Variants in PGM1 observed in about 807,000 individuals in gnomAD.
PGM1 encodes phosphoglucomutase-1.
PGM1 carries 52 observed loss-of-function variants against 55.6 expected under a neutral mutation model. That is an observed-to-expected ratio of 0.94 (90% confidence interval 0.75 to 1.18). The LOEUF (loss-of-function observed/expected upper bound fraction) is 1.18. PGM1 is among the 50% of genes most tolerant of loss of function. The probability of loss-of-function intolerance (pLI) is 0.00; values close to 1 mark genes in which losing one functional copy is unlikely to be tolerated. For synonymous variants in PGM1, 287 were observed against 271.7 expected (o/e 1.06, Z -0.55); for missense variants, 724 against 729.3 (o/e 0.99, Z 0.08).
intron 1 of PGM1, among the ~76,000 whole-genome samples, chr1:63,612,810 G>C (rs527491036): frequency 6.6e-6 from 1 of 152,316 alleles, no homozygotes; most frequent in Non-Finnish European, 1.5e-5. Context: ...AGTGCCCTCT[G>C]TTGTAGACAC....
intron 1 of PGM1, among the ~76,000 whole-genome samples, chr1:63,597,166 G>A (rs373870043): frequency 1.7e-4 from 26 of 152,136 alleles, no homozygotes; most frequent in East Asian, 9.6e-4. Flanking sequence ...TACTTGGGAG[G>A]GGAAGATGAA....
At chr1:63,612,201 G>C (rs1035660488) in intron 1 of PGM1, among the ~76,000 whole-genome samples, 3 of 151,508 alleles carry the variant, frequency 2.0e-5, no homozygotes, top group Admixed American at 2.0e-4. Flanking sequence ...AGGTTGCAGT[G>C]AGCCGAGATC....
In PGM1 at chr1:63,637,900, G is replaced by T. The variant is rs374388138; in HGVS notation, c.1029-785G>T. The stretch of plus-strand genomic sequence containing the variant: ...TTTTCCTCAAATATCAGAATGCAAA[G>T]CTGACATTGCTTTCCTGGAAATAAG... On this transcript the variant is annotated intron_variant, in intron 6 of 10. Coordinates refer to ENST00000371084, the MANE Select transcript of PGM1 (RefSeq NM_002633.3). Among the ~76,000 whole-genome samples, 59 of 152,306 alleles carry T rather than the reference G, an allele frequency of 3.9e-4. No homozygotes were observed. In the South Asian group the frequency reaches 3.9e-3, roughly 10 times the overall value.
chr1:63,647,230 G>A (rs4581304), intron 7 of PGM1, among the ~76,000 whole-genome samples: 33,406 of 134,956 alleles, frequency 0.25, 4,340 homozygotes, highest in East Asian at 0.36. Flanking sequence ...GCGAAAGAGC[G>A]AAACTCCGTC....
chr1:63,593,953 T>G, intron 1 of PGM1: 1 of 1,206,012 alleles, frequency 8.3e-7, no homozygotes, highest in Non-Finnish European at 1.0e-6. Context: ...GCAGACCTGC[T>G]CGCCTGACTC....
intron 1 of PGM1, among the ~76,000 whole-genome samples, chr1:63,596,776 A>C (rs913928560): frequency 6.6e-6 from 1 of 152,150 alleles, no homozygotes; most frequent in Middle Eastern, 3.2e-3. Flanking sequence ...ATTCTAGTGA[A>C]ATTTTCCGTT....
chr1:63,659,063 G>T (rs948326478), intron 10 of PGM1, among the ~76,000 whole-genome samples: 4 of 152,078 alleles, frequency 2.6e-5, no homozygotes, highest in Admixed American at 2.0e-4. Flanking sequence ...ATCTCCCACC[G>T]GGTCCCTCCC....
intron 1 of PGM1, among the ~76,000 whole-genome samples, chr1:63,602,027 A>G (rs1368807445): frequency 6.6e-6 from 1 of 152,240 alleles, no homozygotes; most frequent in Non-Finnish European, 1.5e-5. Flanking sequence ...GAAATGCGAT[A>G]GGTGGTAGGA....
chr1:63,595,557 C>T (rs1323676184), intron 1 of PGM1, among the ~76,000 whole-genome samples: 15 of 152,168 alleles, frequency 9.9e-5, no homozygotes, highest in African/African-American at 1.7e-4. Flanking sequence ...TTCAGACAAG[C>T]GCAAATTCCC....
At chr1:63,596,293 C>G (rs1648070019) in intron 1 of PGM1, among the ~76,000 whole-genome samples, 1 of 118,466 alleles carries the variant, frequency 8.4e-6, no homozygotes, top group South Asian at 2.9e-4. Context: ...GAGTCTTACT[C>G]TGTCGCCTAG....
intron 8 of PGM1, among the ~76,000 whole-genome samples, chr1:63,650,654 A>G (rs1649784450): frequency 6.6e-6 from 1 of 152,226 alleles, no homozygotes; most frequent in Non-Finnish European, 1.5e-5. Flanking sequence ...GAGCTTCTAA[A>G]AAATAACTCT....
intron 1 of PGM1, among the ~76,000 whole-genome samples, chr1:63,609,885 T>C (rs1414015272): frequency 6.6e-6 from 1 of 152,134 alleles, no homozygotes; most frequent in African/African-American, 2.4e-5. Context: ...GCCATGATGT[T>C]TGGTAGGTTA....
chr1:63,659,685 C>A lies in PGM1; in HGVS notation c.*10C>A, dbSNP rs1389430408. ...CACTGTCATCACCTAAGAAGACAGG[C>A]CTGATGTGGTACGTCCCTCCACCCC... is the stretch of plus-strand genomic sequence containing the variant. On this transcript the variant is annotated 3_prime_UTR_variant, in exon 11 of 11. Coordinates refer to ENST00000371084, the MANE Select transcript of PGM1 (RefSeq NM_002633.3). 2.5e-6 allele frequency: 4 copies of A among 1,597,284 alleles called. No individual in the cohort carries two copies. The Admixed American group carries it at 5.0e-5, about 20-fold the overall frequency.
intron 1 of PGM1, chr1:63,623,263 T>C: frequency 7.0e-7 from 1 of 1,418,868 alleles, no homozygotes. Context: ...AGTGGGTGTG[T>C]GGCCCTTAAC....
chr1:63,600,622 T>C (rs776573226), intron 1 of PGM1, among the ~76,000 whole-genome samples: 2 of 152,246 alleles, frequency 1.3e-5, no homozygotes, highest in Non-Finnish European at 2.9e-5. Flanking sequence ...GAGGATGGGC[T>C]GCTCTTTTTA....
At chr1:63,628,007 C>G (rs1649084055) in intron 1 of PGM1, among the ~76,000 whole-genome samples, 1 of 152,072 alleles carries the variant, frequency 6.6e-6, no homozygotes, top group African/African-American at 2.4e-5. Flanking sequence ...TCCATTAATG[C>G]TTGTTATTAT....
At chr1:63,656,822 T>C (rs1649981314) in intron 10 of PGM1, among the ~76,000 whole-genome samples, 1 of 151,748 alleles carries the variant, frequency 6.6e-6, no homozygotes, top group Non-Finnish European at 1.5e-5. Context: ...TACTAGGGGG[T>C]AGTGAATGGG....
At chr1:63,649,834 C>T (rs1448465520) in intron 8 of PGM1, among the ~76,000 whole-genome samples, 2 of 152,168 alleles carry the variant, frequency 1.3e-5, no homozygotes, top group African/African-American at 4.8e-5. Flanking sequence ...CCTGGTCATT[C>T]AGAACAGCAG....
intron 3 of PGM1, among the ~76,000 whole-genome samples, chr1:63,631,181 T>C (rs1179594830): frequency 6.6e-6 from 1 of 152,204 alleles, no homozygotes; most frequent in Admixed American, 6.5e-5. Context: ...ATTAAAAAAT[T>C]TCATTTTCCA....
Sources: allele counts gnomAD v4.1 joint callset (sites outside exome capture counted in the v4.1 genomes callset), GRCh38; gene constraint gnomAD v4.1.1; transcripts MANE v1.5; gene names NCBI Gene and HGNC (gene_info 2026-07-23, HGNC 2026-07-21).